The following CDK15 variants were observed in gnomAD, a reference collection of about 807,000 sequenced individuals.
CDK15 encodes the protein cyclin-dependent kinase 15.
A neutral mutation model predicts 60.3 loss-of-function variants in CDK15; 62 were observed. The observed-to-expected ratio is 1.03, with a 90% CI of 0.84 to 1.27. CDK15 has a LOEUF of 1.27. Among genes scored for constraint, CDK15 ranks in the 50% most tolerant of loss-of-function variants. CDK15 has a pLI of 0.00. For synonymous variants in CDK15, 194 were observed against 195.7 expected, an observed-to-expected ratio of 0.99 and a Z score of 0.07; for missense variants, 541 against 527.8, an observed-to-expected ratio of 1.03 and a Z score of -0.25.
intron 9 of CDK15, among the ~76,000 whole-genome samples, chr2:201,849,633 G>A (rs576484213): frequency 4.6e-5 from 7 of 152,146 alleles, no homozygotes; most frequent in East Asian, 3.9e-4. Context: ...TGAAGTATAC[G>A]TAAATATATG....
intron 12 of CDK15, chr2:201,888,382 C>T: frequency 6.6e-7 from 1 of 1,506,848 alleles, no homozygotes; most frequent in Non-Finnish European, 8.8e-7. Context: ...TAAACTTGTC[C>T]TGCCGACTGT....
chr2:201,836,058 T>TATATTTA (rs1553523956), intron 8 of CDK15, among the ~76,000 whole-genome samples: 1 of 96,028 alleles, frequency 1.0e-5, no homozygotes, highest in Non-Finnish European at 1.8e-5. Flanking sequence ...TATATATATA[T>TATATTTA]TATATATATT....
intron 10 of CDK15, among the ~76,000 whole-genome samples, chr2:201,866,807 T>A (rs1698649846): frequency 6.6e-6 from 1 of 152,162 alleles, no homozygotes; most frequent in South Asian, 2.1e-4. Flanking sequence ...AGAGGCAAGG[T>A]CATTCAGCCT....
At chr2:201,835,917 A>G (rs967932080) in intron 8 of CDK15, among the ~76,000 whole-genome samples, 154 bp downstream of exon 8, 1 of 139,060 alleles carries the variant, frequency 7.2e-6, no homozygotes, top group Non-Finnish European at 1.5e-5. Context: ...TTATATAGTT[A>G]TATATTTATA....
At chr2:201,829,186 C>CA (rs1028141720) in intron 6 of CDK15, among the ~76,000 whole-genome samples, 1 of 151,560 alleles carries the variant, frequency 6.6e-6, no homozygotes, top group Non-Finnish European at 1.5e-5. Context: ...GAGGGCAATA[C>CA]TTTTTTTTTG....
intron 11 of CDK15, 78 bp downstream of exon 11, chr2:201,872,404 A>G: frequency 1.4e-6 from 2 of 1,475,112 alleles, no homozygotes; most frequent in Non-Finnish European, 1.9e-6. Context: ...ATCTCAGTCC[A>G]CTGAACAGCA....
intron 12 of CDK15, among the ~76,000 whole-genome samples, chr2:201,886,544 C>A (rs1376366772): frequency 6.6e-6 from 1 of 152,154 alleles, no homozygotes; most frequent in African/African-American, 2.4e-5. Flanking sequence ...AGGCTGGTCT[C>A]AAACTCCTGA....
intron 8 of CDK15, among the ~76,000 whole-genome samples, chr2:201,836,696 C>T (rs1697105944): frequency 1.3e-5 from 2 of 151,460 alleles, no homozygotes; most frequent in Admixed American, 6.6e-5. Flanking sequence ...ACATATATCC[C>T]CAAACCACAG....
At chr2:201,849,966 A>G (rs962975878) in intron 9 of CDK15, among the ~76,000 whole-genome samples, 1 of 152,070 alleles carries the variant, frequency 6.6e-6, no homozygotes, top group Non-Finnish European at 1.5e-5. Flanking sequence ...CTGGAATTAC[A>G]GGTGCCCGCC....
intron 12 of CDK15, chr2:201,889,308 G>A: frequency 5.1e-6 from 5 of 985,454 alleles, no homozygotes; most frequent in Non-Finnish European, 4.8e-6. Context: ...CAATGCCCAA[G>A]TGGAAAGGGG....
chr2:201,817,165 G>A (rs1027507818), intron 4 of CDK15, among the ~76,000 whole-genome samples: 1 of 152,162 alleles, frequency 6.6e-6, no homozygotes, highest in Admixed American at 6.5e-5. Flanking sequence ...CCCCAGTTTT[G>A]GGACTTGCCT....
chr2:201,847,300 TG>T, intron 8 of CDK15, 80 bp from the exon 9 acceptor site: 1 of 1,335,402 alleles, frequency 7.5e-7, no homozygotes, highest in South Asian at 1.3e-5. Context: ...AAATATTTCT[TG>T]GGAAGAGAAA....
chr2:201,826,661 G>A (rs1042909939), intron 6 of CDK15, among the ~76,000 whole-genome samples: 7 of 152,004 alleles, frequency 4.6e-5, no homozygotes, highest in Non-Finnish European at 1.5e-5. Context: ...CAATCTCCAG[G>A]TTCCATTAGT....
rs1699543751 is a variant in CDK15, at chr2:201,888,653, C to T, written c.1199-2132C>T. The T allele has an allele frequency of 1.5e-5, 21 of 1,364,464 alleles. No individual in the cohort carries two copies. The East Asian group carries it at 5.9e-4, about 38-fold the overall frequency. 84.5% of individuals were successfully genotyped at this position (1,364,464 alleles called of 1,614,324 possible). ...TTGGGAAGGAGAGTCTGGCAGTCCA[C>T]AGCCAAATTGGAATCCTTTTGATTA... On this transcript the variant is annotated intron_variant, in intron 12 of 13. Coordinates refer to ENST00000652192, the MANE Select transcript of CDK15 (RefSeq NM_001366386.2).
At chr2:201,874,942 C>T (rs150095541) in intron 11 of CDK15, among the ~76,000 whole-genome samples, 5 of 151,578 alleles carry the variant, frequency 3.3e-5, no homozygotes, top group African/African-American at 1.2e-4. Context: ...CTCATACTGA[C>T]CAGCCTGTCC....
intron 4 of CDK15, among the ~76,000 whole-genome samples, chr2:201,814,208 T>C (rs1213648711): frequency 6.6e-6 from 1 of 152,248 alleles, no homozygotes; most frequent in African/African-American, 2.4e-5. Flanking sequence ...TCAGCATGGT[T>C]CAGAAAACCT....
chr2:201,821,110 G>C (rs1298319279), intron 4 of CDK15, among the ~76,000 whole-genome samples: 1 of 152,098 alleles, frequency 6.6e-6, no homozygotes, highest in Non-Finnish European at 1.5e-5. Flanking sequence ...ACCAGGTGTT[G>C]GTAATCTGAC....
chr2:201,829,438 C>T (rs1037269654), intron 6 of CDK15, among the ~76,000 whole-genome samples: 4 of 152,014 alleles, frequency 2.6e-5, no homozygotes, highest in South Asian at 2.1e-4. Flanking sequence ...CAAGAGTCAG[C>T]GATATTTTTT....
At chr2:201,810,171 A>C (rs1200001848) in intron 3 of CDK15, among the ~76,000 whole-genome samples, 4 of 152,182 alleles carry the variant, frequency 2.6e-5, no homozygotes, top group African/African-American at 9.7e-5. Flanking sequence ...TAAAACTCTA[A>C]AACAAAATTT....
Sources: allele counts gnomAD v4.1 joint callset (sites outside exome capture counted in the v4.1 genomes callset), GRCh38; gene constraint gnomAD v4.1.1; transcripts MANE v1.5; gene names NCBI Gene and HGNC (gene_info 2026-07-23, HGNC 2026-07-21).